CDH12: variants seen among roughly 807,000 people sequenced by gnomAD.
The protein encoded by CDH12 is cadherin-12.
Under a neutral mutation model 74.1 loss-of-function variants are expected in CDH12, and 41 were observed. The observed-to-expected ratio is 0.55, with a 90% confidence interval of 0.43 to 0.72. The LOEUF (loss-of-function observed/expected upper bound fraction) is 0.72. Ranked by LOEUF, CDH12 falls within the 30% of genes least tolerant of loss-of-function variation. The pLI, the probability that CDH12 is intolerant of heterozygous loss-of-function variation, is 0.00. For synonymous variants in CDH12, 399 were observed against 355.0 expected (o/e 1.12, Z -1.39); for missense variants, 945 against 977.2 (o/e 0.97, Z 0.44).
At chr5:22,039,435 G>T (rs1337931023) in intron 5 of CDH12, among the ~76,000 whole-genome samples, 1 of 152,050 alleles carries the variant, frequency 6.6e-6, no homozygotes, top group Non-Finnish European at 1.5e-5. Flanking sequence ...ACAAGACCCA[G>T]TGTCACAATA....
At chr5:22,315,970 AAG>A (rs1328656839) in intron 3 of CDH12, among the ~76,000 whole-genome samples, 1 of 152,090 alleles carries the variant, frequency 6.6e-6, no homozygotes, top group African/African-American at 2.4e-5. Context: ...AAATAGGAAC[AAG>A]ATCAGCCAGC....
chr5:22,190,999 A>T (rs1254887806), intron 4 of CDH12, among the ~76,000 whole-genome samples: 1 of 152,166 alleles, frequency 6.6e-6, no homozygotes, highest in East Asian at 1.9e-4. Context: ...GTAATGTAAT[A>T]GTTTTCCTTT....
chr5:22,781,664 T>C (rs941843657), intron 1 of CDH12, among the ~76,000 whole-genome samples: 2 of 152,210 alleles, frequency 1.3e-5, no homozygotes, highest in African/African-American at 4.8e-5. Flanking sequence ...GGTTCTGTAC[T>C]CTTTAGTCCA....
chr5:22,099,950 C>G (rs1231061965), intron 4 of CDH12, among the ~76,000 whole-genome samples: 1 of 152,072 alleles, frequency 6.6e-6, no homozygotes, highest in African/African-American at 2.4e-5. Context: ...CAATATCACC[C>G]CTTACCACAA....
At chr5:22,280,924 A>G (rs1168579871) in intron 3 of CDH12, among the ~76,000 whole-genome samples, 1 of 152,200 alleles carries the variant, frequency 6.6e-6, no homozygotes, top group African/African-American at 2.4e-5. Flanking sequence ...CAACAAAAAA[A>G]GAGAATTTTA....
At chr5:21,983,007 C>G (rs1350418348) in intron 5 of CDH12, among the ~76,000 whole-genome samples, 1 of 152,024 alleles carries the variant, frequency 6.6e-6, no homozygotes, top group Non-Finnish European at 1.5e-5. Context: ...TTCTTTCTTG[C>G]TAATCCAAAC....
intron 2 of CDH12, among the ~76,000 whole-genome samples, chr5:22,503,764 A>C (rs1736271866): frequency 6.6e-6 from 1 of 152,010 alleles, no homozygotes; most frequent in African/African-American, 2.4e-5. Flanking sequence ...ATTTGGGAGG[A>C]GTATGAGTCT....
intron 6 of CDH12, among the ~76,000 whole-genome samples, chr5:21,963,252 T>G (rs186677317): frequency 1.7e-3 from 255 of 152,220 alleles, no homozygotes; most frequent in African/African-American, 6.0e-3. Context: ...ACCCAGGTAG[T>G]GAACTGAATA....
intron 3 of CDH12, among the ~76,000 whole-genome samples, chr5:22,300,772 A>T (rs1737846002): frequency 1.3e-5 from 2 of 152,232 alleles, no homozygotes; most frequent in African/African-American, 4.8e-5. Flanking sequence ...TACAAAACTC[A>T]TTCATTTCCT....
intron 1 of CDH12, among the ~76,000 whole-genome samples, chr5:22,513,688 C>T (rs1580722695): frequency 6.6e-6 from 1 of 152,062 alleles, no homozygotes; most frequent in Non-Finnish European, 1.5e-5. Context: ...TGGCTCACGC[C>T]TGTAATCCCA....
chr5:22,355,500 T>G (rs1277124240), intron 3 of CDH12, among the ~76,000 whole-genome samples: 3 of 74,912 alleles, frequency 4.0e-5, no homozygotes, highest in East Asian at 3.0e-4. Context: ...AGGAGAGAGA[T>G]ATATATATTT....
intron 1 of CDH12, among the ~76,000 whole-genome samples, chr5:22,839,667 T>G (rs539660177): frequency 5.5e-4 from 84 of 152,232 alleles, no homozygotes; most frequent in Non-Finnish European, 1.0e-3. Context: ...ACACTTGAAA[T>G]TACTTATACC....
intron 5 of CDH12, among the ~76,000 whole-genome samples, chr5:22,074,299 T>A (rs990156615): frequency 2.6e-5 from 4 of 152,128 alleles, no homozygotes; most frequent in East Asian, 1.9e-4. Context: ...TTACACCTTA[T>A]ACAAAAGTTA....
chr5:21,837,515 ATAGT>A (rs1262369468), intron 8 of CDH12, among the ~76,000 whole-genome samples: 4 of 150,694 alleles, frequency 2.7e-5, no homozygotes, highest in African/African-American at 9.7e-5. Flanking sequence ...ACGAACAAAT[ATAGT>A]TAGTTGTGGG....
At chr5:21,992,217 AAAAAT>A (rs1367947146) in intron 5 of CDH12, among the ~76,000 whole-genome samples, 2 of 152,120 alleles carry the variant, frequency 1.3e-5, no homozygotes, top group African/African-American at 4.8e-5. Context: ...CTTAAAAGAA[AAAAAT>A]AAAATAAGAA....
chr5:22,148,568 A>T (rs1384183005), intron 4 of CDH12, among the ~76,000 whole-genome samples: 1 of 152,024 alleles, frequency 6.6e-6, no homozygotes, highest in Admixed American at 6.6e-5. Flanking sequence ...ACAGTTCAGA[A>T]GGCCAGAAAT....
At chr5:21,999,581 T>C (rs1283351239) in intron 5 of CDH12, among the ~76,000 whole-genome samples, 1 of 152,098 alleles carries the variant, frequency 6.6e-6, no homozygotes, top group Admixed American at 6.6e-5. Context: ...TCTATAATGT[T>C]CGTGATAAAT....
chr5:22,580,181 T>G, intron 1 of CDH12: 1 of 290,352 alleles, frequency 3.4e-6, no homozygotes, highest in Non-Finnish European at 6.9e-6. Context: ...TGAGGGTACA[T>G]TTTGGGTATC....
intron 2 of CDH12, among the ~76,000 whole-genome samples, chr5:22,477,353 G>C (rs1746208712): frequency 6.6e-6 from 1 of 152,048 alleles, no homozygotes; most frequent in African/African-American, 2.4e-5. Context: ...TTTTCTGTTA[G>C]TGTGTTAGTT....
Sources: gnomAD v4.1 joint callset for allele counts (sites outside exome capture counted in the v4.1 genomes callset) on GRCh38, gnomAD v4.1.1 for gene constraint, MANE v1.5 for transcripts, NCBI Gene and HGNC (gene_info 2026-07-23, HGNC 2026-07-21) for gene names.